Variants in MRPS23 observed in about 807,000 individuals in gnomAD.
MRPS23 encodes the protein mitochondrial ribosomal protein S23.
MRPS23 carries 14 observed loss-of-function variants against 19.8 expected under a neutral mutation model. The observed-to-expected ratio is 0.71, with a 90% CI of 0.47 to 1.11. The LOEUF (loss-of-function observed/expected upper bound fraction) is 1.11, where lower values mean the gene tolerates loss of function less well. MRPS23 is among the 50% of genes least tolerant of loss of function. The pLI, the probability that MRPS23 is intolerant of heterozygous loss-of-function variation, is 0.00. For synonymous variants in MRPS23, 113 were observed against 89.7 expected (o/e 1.26, Z -1.47); for missense variants, 242 against 236.7 (o/e 1.02, Z -0.15).
intron 2 of MRPS23, among the ~76,000 whole-genome samples, chr17:57,847,372 G>A (rs1039074510): frequency 6.7e-6 from 1 of 148,912 alleles, no homozygotes; most frequent in Non-Finnish European, 1.5e-5. Flanking sequence ...GAAAAAAAGA[G>A]AATAAAGAGG....
chr17:57,841,643 T>C (rs1338473819), intron 2 of MRPS23, among the ~76,000 whole-genome samples: 3 of 152,330 alleles, frequency 2.0e-5, no homozygotes, highest in East Asian at 3.9e-4. Flanking sequence ...ATAGTAAACC[T>C]TGCTCTACAT....
At position 57,845,770 on chromosome 17, in the gene MRPS23, C is replaced by T. The variant is rs527400312; in HGVS notation, c.215+3470G>A. Reference sequence around the variant, plus strand: ...CATTCCTCTCCAAGGAATTTTCTTTCGTTTCTCTCTACCAGCCTCATAGTT... The same window carrying T: ...CATTCCTCTCCAAGGAATTTTCTTTTGTTTCTCTCTACCAGCCTCATAGTT... On this transcript the variant is annotated intron_variant, in intron 2 of 4. Coordinates refer to ENST00000313608, the MANE Select transcript of MRPS23 (RefSeq NM_016070.4). Among the ~76,000 whole-genome samples, 558 of 152,316 alleles carry T rather than the reference C, an allele frequency of 3.7e-3. 3 individuals carry two copies. The highest frequency in any genetic ancestry group is 0.013 in the African/African-American group (523 of 41,566).
rs1338748283 is a variant in MRPS23, at chr17:57,839,751, G to A, written c.*32C>T. 2 of 1,561,184 alleles carry A rather than the reference G, an allele frequency of 1.3e-6. No homozygotes were observed. The highest frequency in any genetic ancestry group is 1.8e-6 in the Non-Finnish European group (2 of 1,136,334). ...TCAACATTCAGCCAGTGAGTAGAGT[G>A]TGAATGCCAGCATACACAGTATACA... On this transcript the variant is annotated 3_prime_UTR_variant, in exon 5 of 5. Coordinates refer to ENST00000313608, the MANE Select transcript of MRPS23 (RefSeq NM_016070.4).
chr17:57,844,867 G>C (rs1014939102), intron 2 of MRPS23, among the ~76,000 whole-genome samples: 2 of 151,400 alleles, frequency 1.3e-5, no homozygotes, highest in African/African-American at 4.8e-5. Context: ...CAAATCTACA[G>C]CAGAAGCACA....
intron 2 of MRPS23, among the ~76,000 whole-genome samples, chr17:57,844,655 C>T (rs2073760788): frequency 6.7e-6 from 1 of 149,254 alleles, no homozygotes; most frequent in African/African-American, 2.5e-5. Flanking sequence ...CCTGTAATCC[C>T]AGCTACTCGG....
intron 1 of MRPS23, chr17:57,849,762 C>T: frequency 1.5e-6 from 1 of 660,714 alleles, no homozygotes; most frequent in East Asian, 2.8e-5. Context: ...TAATCTTTAA[C>T]ATGACACATA....
intron 2 of MRPS23, among the ~76,000 whole-genome samples, chr17:57,842,790 A>G (rs1266794001): frequency 2.0e-5 from 3 of 150,460 alleles, no homozygotes; most frequent in African/African-American, 7.3e-5. Flanking sequence ...TGGGAAGCTG[A>G]GGCATGAGGA....
At position 57,849,239 on chromosome 17, in the gene MRPS23, C is replaced by G. The variant is rs767985986; in HGVS notation, c.215+1G>C. The G allele has an allele frequency of 4.3e-6, 7 of 1,614,070 alleles. No homozygotes were observed. The Admixed American group carries it at 5.0e-5, about 12-fold the overall frequency. ...TGTCCACTACAGGGCTGAGCACTCACGCTCTAATCCGATCCTCGTGGTACC... is the reference window on the plus strand; with the variant it reads ...TGTCCACTACAGGGCTGAGCACTCAGGCTCTAATCCGATCCTCGTGGTACC... On this transcript the variant is annotated splice_donor_variant, in intron 2 of 4. Transcript: ENST00000313608. LOFTEE classifies it high-confidence loss of function.
Position 57,849,344 on chromosome 17 carries a change from G to T in MRPS23, c.111C>A (p.Ala37=), listed in dbSNP as rs200379700. The change falls in exon 2 of 5, where the codon GCC becomes GCA. Residue 37 remains alanine, a synonymous_variant. Transcript: ENST00000313608. ...EKPLWFDVYD[A]FPPLREPVFQ... ...AGACGGGCTCCCTCAGCGGGGGAAA[G>T]GCGTCATATACGTCAAACCACAGGG... 1.2e-6 allele frequency: 2 copies of T among 1,614,112 alleles called. No individual in the cohort carries two copies. Among genetic ancestry groups the T allele is most frequent in the Admixed American group, 1.7e-5 (1 of 60,002 alleles).
chr17:57,839,939 A>G lies in MRPS23; in HGVS notation c.421-4T>C. ...AAACGTGACTACCTCCGTGTTGCTT[A>G]AAAGACCAGATTTAAGTATCACAGA... On this transcript the variant is annotated splice_region_variant and splice_polypyrimidine_tract_variant and intron_variant, in intron 4 of 4. Transcript: ENST00000313608. 6.2e-7 allele frequency: 1 copy of G among 1,614,038 alleles called. No homozygotes were observed. The highest frequency in any genetic ancestry group is 8.5e-7 in the Non-Finnish European group (1 of 1,179,874).
In MRPS23 at chr17:57,846,142, C is replaced by A. The variant is rs539964207; in HGVS notation, c.215+3098G>T. Among the ~76,000 whole-genome samples the A allele has an allele frequency of 3.7e-4, 55 of 148,422 alleles. No individual in the cohort carries two copies. The South Asian group carries it at 0.012, about 31-fold the overall frequency. On this transcript the variant is annotated intron_variant, in intron 2 of 4. Coordinates refer to ENST00000313608, the MANE Select transcript of MRPS23 (RefSeq NM_016070.4). ...GGGCAGCCCCCACCCAGCCAGCCGCCCCGTCTGGGAGGGAGGTAGGGGGCA... is the reference window on the plus strand; with the variant it reads ...GGGCAGCCCCCACCCAGCCAGCCGCACCGTCTGGGAGGGAGGTAGGGGGCA...
rs377581057 is a variant in MRPS23 at position 57,845,000 on chromosome 17, C to G, written c.216-3740G>C. Among the ~76,000 whole-genome samples, 296 of 152,066 alleles carry G rather than the reference C, an allele frequency of 1.9e-3. 2 individuals are homozygous for G. The highest frequency in any genetic ancestry group is 6.6e-3 in the African/African-American group (272 of 41,492). On this transcript the variant is annotated intron_variant, in intron 2 of 4. Coordinates refer to ENST00000313608, the MANE Select transcript of MRPS23 (RefSeq NM_016070.4). ...GCAACCTCTGCCTCCTGGGTTAAAGCGATCCTCCCACCTCAGCCTCCAGAC... is the reference window on the plus strand; with the variant it reads ...GCAACCTCTGCCTCCTGGGTTAAAGGGATCCTCCCACCTCAGCCTCCAGAC...
chr17:57,849,886 C>G, intron 1 of MRPS23, 81 bp downstream of exon 1: 1 of 1,502,462 alleles, frequency 6.7e-7, no homozygotes, highest in African/African-American at 1.4e-5. Flanking sequence ...TGCTCAGGTC[C>G]GCTCCAAGGA....
At chr17:57,847,696 A>G (rs1354803844) in intron 2 of MRPS23, among the ~76,000 whole-genome samples, 1 of 149,372 alleles carries the variant, frequency 6.7e-6, no homozygotes, top group Non-Finnish European at 1.5e-5. Context: ...AGAAAAAAAC[A>G]AAACTTTTTT....
chr17:57,843,651 C>T (rs2073754453), intron 2 of MRPS23, among the ~76,000 whole-genome samples: 1 of 152,106 alleles, frequency 6.6e-6, no homozygotes, highest in South Asian at 2.1e-4. Context: ...CCACTCTCTG[C>T]TCCCCTCAAT....
At chr17:57,840,116 G>A (rs1176549534) in intron 4 of MRPS23, among the ~76,000 whole-genome samples, 181 bp from the exon 5 acceptor site, 1 of 152,220 alleles carries the variant, frequency 6.6e-6, no homozygotes, top group Admixed American at 6.5e-5. Flanking sequence ...GGCCGGGCGT[G>A]GTGGCTCACG....
chr17:57,843,268 CAAA>C (rs11290064), intron 2 of MRPS23, among the ~76,000 whole-genome samples: 41 of 138,254 alleles, frequency 3.0e-4, no homozygotes, highest in Non-Finnish European at 3.8e-4. Context: ...GATCCTGCCT[CAAA>C]AAAAAAAAAA....
rs543675224 is a variant in MRPS23 at position 57,837,443 on chromosome 17, C to T, written c.*2340G>A. ...GCACTGATTAAATCACAGTGGATCT[C>T]TGAGACATAGTAACTAGAAAAGCAA... On this transcript the variant is annotated 3_prime_UTR_variant, in exon 5 of 5. Coordinates refer to ENST00000313608, the MANE Select transcript of MRPS23 (RefSeq NM_016070.4). The T allele has an allele frequency of 6.6e-6, 1 of 152,292 alleles. No individual in the cohort carries two copies. The highest frequency in any genetic ancestry group is 2.4e-5 in the African/African-American group (1 of 41,542). 9.4% of individuals were successfully genotyped at this position (152,292 alleles called of 1,614,324 possible).
At chr17:57,840,712 G>A in intron 4 of MRPS23, 1 of 409,250 alleles carries the variant, frequency 2.4e-6, no homozygotes, top group Non-Finnish European at 4.3e-6. Context: ...TACTTACATA[G>A]CATTTACAAT....
Sources: gnomAD v4.1 joint callset for allele counts (sites outside exome capture counted in the v4.1 genomes callset) on GRCh38, gnomAD v4.1.1 for gene constraint, MANE v1.5 for transcripts, NCBI Gene and HGNC (gene_info 2026-07-23, HGNC 2026-07-21) for gene names.